MTCL3: variants seen among roughly 807,000 people sequenced by gnomAD.
MTCL3 encodes microtubule cross-linking factor 3.
At chr6:127,482,566 T>C in the MTCL3 span, among the ~76,000 whole-genome samples, 110 of 152,340 alleles carry the variant, frequency 7.2e-4, 1 homozygote, top group African/African-American at 2.6e-3. The surrounding 1 kb of genome is among the most constrained non-coding windows in gnomAD (Gnocchi z 4.1). Context: ...CTTTCTTTAC[T>C]TTCTCCTGAC....
At chr6:127,515,721 G>C in the MTCL3 span, 2 of 1,590,490 alleles carry the variant, frequency 1.3e-6, no homozygotes, top group Non-Finnish European at 1.7e-6. The surrounding 1 kb of genome is among the most constrained non-coding windows in gnomAD (Gnocchi z 4.3). Context: ...TCTCGCAAAC[G>C]GCAGGGGGGC....
At chr6:127,475,240 G>C in the MTCL3 span, 1 of 1,522,928 alleles carries the variant, frequency 6.6e-7, no homozygotes, top group Non-Finnish European at 8.8e-7. This position sits in a 1 kb window ranked among gnomAD's most constrained non-coding sequence, Gnocchi z 7.3. Flanking sequence ...CAGGGACGCG[G>C]CTCCACGGGC....
chr6:127,509,995 C>T, the MTCL3 span, among the ~76,000 whole-genome samples: 1 of 152,146 alleles, frequency 6.6e-6, no homozygotes, highest in South Asian at 2.1e-4. Flanking sequence ...GAACTCCTAC[C>T]AGAATATTAT....
chr6:127,496,256 A>G, the MTCL3 span, among the ~76,000 whole-genome samples: 45,509 of 152,096 alleles, frequency 0.3, 7,534 homozygotes, highest in Middle Eastern at 0.39. Flanking sequence ...ACTCAAATTG[A>G]CAGAATTCTG....
At chr6:127,488,235 T>C in the MTCL3 span, among the ~76,000 whole-genome samples, 20,982 of 152,194 alleles carry the variant, frequency 0.14, 2,274 homozygotes, top group East Asian at 0.64. Flanking sequence ...TCTTCAGGGT[T>C]CCTAATAAGA....
At chr6:127,475,571 G>A in the MTCL3 span, 2 of 1,608,732 alleles carry the variant, frequency 1.2e-6, no homozygotes, top group Non-Finnish European at 8.5e-7. This position sits in a 1 kb window ranked among gnomAD's most constrained non-coding sequence, Gnocchi z 7.3. Flanking sequence ...GCCTCCGAGC[G>A]GATGTCCTTC....
At chr6:127,474,585 C>T in the MTCL3 span, among the ~76,000 whole-genome samples, 1 of 152,026 alleles carries the variant, frequency 6.6e-6, no homozygotes, top group Non-Finnish European at 1.5e-5. Context: ...TAGTTTTATT[C>T]TTTCTTTTTT....
the MTCL3 span, among the ~76,000 whole-genome samples, chr6:127,505,714 T>C: frequency 1.2e-3 from 180 of 152,290 alleles, 2 homozygotes; most frequent in African/African-American, 3.8e-3. Context: ...GTCCATTTTT[T>C]TAAATTAAAA....
chr6:127,475,259 C>T, the MTCL3 span: 1 of 1,549,474 alleles, frequency 6.5e-7, no homozygotes. The surrounding 1 kb of genome is among the most constrained non-coding windows in gnomAD (Gnocchi z 7.3). Flanking sequence ...GCCAGCCTGG[C>T]CACCGCCGTG....
chr6:127,493,654 G>A, the MTCL3 span, among the ~76,000 whole-genome samples: 10 of 152,250 alleles, frequency 6.6e-5, no homozygotes, highest in East Asian at 1.2e-3. Flanking sequence ...GCCAGGTACC[G>A]TTCCTATCTT....
the MTCL3 span, chr6:127,476,369 A>T: frequency 1.4e-5 from 22 of 1,614,010 alleles, no homozygotes; most frequent in Non-Finnish European, 1.6e-5. This position sits in a 1 kb window ranked among gnomAD's most constrained non-coding sequence, Gnocchi z 4.4. Flanking sequence ...TCGTGTTCAA[A>T]TCTGTCCTTT....
At chr6:127,486,862 T>TAG in the MTCL3 span, among the ~76,000 whole-genome samples, 1 of 152,172 alleles carries the variant, frequency 6.6e-6, no homozygotes, top group African/African-American at 2.4e-5. Context: ...TGTAGCATCT[T>TAG]TATGTTTTCA....
At chr6:127,482,381 G>A in the MTCL3 span, among the ~76,000 whole-genome samples, 1 of 152,170 alleles carries the variant, frequency 6.6e-6, no homozygotes, top group Non-Finnish European at 1.5e-5. This position sits in a 1 kb window ranked among gnomAD's most constrained non-coding sequence, Gnocchi z 4.1. Flanking sequence ...CTGTGGCTGT[G>A]CTTCTAAGGT....
At chr6:127,491,922 C>A in the MTCL3 span, among the ~76,000 whole-genome samples, 1 of 151,316 alleles carries the variant, frequency 6.6e-6, no homozygotes, top group Non-Finnish European at 1.5e-5. Flanking sequence ...TACTTCCGTA[C>A]CTCTTCTAAC....
the MTCL3 span, chr6:127,515,492 C>A: frequency 7.1e-7 from 1 of 1,413,044 alleles, no homozygotes; most frequent in Non-Finnish European, 9.2e-7. This position sits in a 1 kb window ranked among gnomAD's most constrained non-coding sequence, Gnocchi z 4.3. Flanking sequence ...ATCCCCCAGC[C>A]GGGTCCCCCC....
At chr6:127,516,321 G>C in the MTCL3 span, 1 of 1,592,024 alleles carries the variant, frequency 6.3e-7, no homozygotes, top group Admixed American at 1.7e-5. Flanking sequence ...CCCCACCTCC[G>C]CCTCCTCGGA....
At chr6:127,476,857 AC>A in the MTCL3 span, among the ~76,000 whole-genome samples, 1 of 152,236 alleles carries the variant, frequency 6.6e-6, no homozygotes, top group Non-Finnish European at 1.5e-5. This position sits in a 1 kb window ranked among gnomAD's most constrained non-coding sequence, Gnocchi z 4.4. Flanking sequence ...ATTTGCGGCC[AC>A]TTTTTTGTCA....
At chr6:127,477,540 A>G in the MTCL3 span, among the ~76,000 whole-genome samples, 3 of 152,220 alleles carry the variant, frequency 2.0e-5, no homozygotes, top group African/African-American at 4.8e-5. Context: ...GTACTCGGTC[A>G]TCTGTGTTTG....
chr6:127,517,652 CTA>C, the MTCL3 span: 1 of 152,164 alleles, frequency 6.6e-6, no homozygotes, highest in Admixed American at 6.5e-5. Context: ...CCATTTCCTC[CTA>C]TATAGCAATT....
Sources: gnomAD v4.1 joint callset for allele counts (sites outside exome capture counted in the v4.1 genomes callset) on GRCh38, gnomAD v4.1.1 for gene constraint, Gnocchi (gnomAD v3.1) non-coding constraint, MANE v1.5 for transcripts, NCBI Gene and HGNC (gene_info 2026-07-23, HGNC 2026-07-21) for gene names.